The following KCNT2 variants were observed in gnomAD, a reference collection of about 807,000 sequenced individuals.
The protein encoded by KCNT2 is potassium channel subfamily T member 2.
KCNT2 carries 67 observed loss-of-function variants against 153.8 expected under a neutral mutation model. That is an observed-to-expected ratio of 0.44 (90% CI 0.36 to 0.53). KCNT2 has a LOEUF of 0.53. Among genes scored for constraint, KCNT2 ranks in the 20% least tolerant of loss-of-function variants. The probability of loss-of-function intolerance (pLI) is 0.00; values close to 1 mark genes in which losing one functional copy is unlikely to be tolerated. For synonymous variants in KCNT2, 500 were observed against 458.8 expected, an observed-to-expected ratio of 1.09 and a Z score of -1.15; for missense variants, 975 against 1,354.8, an observed-to-expected ratio of 0.72 and a Z score of 4.40.
intron 1 of KCNT2, among the ~76,000 whole-genome samples, chr1:196,607,027 C>T (rs767546145): frequency 1.5e-4 from 23 of 152,120 alleles, no homozygotes; most frequent in Admixed American, 9.2e-4. Flanking sequence ...ACAAAACATC[C>T]ATCTCCTTTC....
chr1:196,284,385 C>G (rs1045948594), intron 23 of KCNT2, among the ~76,000 whole-genome samples: 2 of 147,330 alleles, frequency 1.4e-5, no homozygotes, highest in African/African-American at 2.5e-5. Context: ...GAAAAAACTA[C>G]TGCTTTCCAT....
intron 1 of KCNT2, among the ~76,000 whole-genome samples, chr1:196,545,379 A>G (rs1656941656): frequency 6.6e-6 from 1 of 152,054 alleles, no homozygotes. Flanking sequence ...GTGTAGAGAA[A>G]AAGAGAAAGT....
At chr1:196,257,148 A>G (rs1410696929) in intron 26 of KCNT2, 2 of 714,098 alleles carry the variant, frequency 2.8e-6, no homozygotes, top group East Asian at 1.3e-4. Flanking sequence ...AAAATGAGAT[A>G]CCTATCAAAT....
At chr1:196,538,444 T>G (rs911279551) in intron 1 of KCNT2, among the ~76,000 whole-genome samples, 1 of 152,146 alleles carries the variant, frequency 6.6e-6, no homozygotes, top group Non-Finnish European at 1.5e-5. Context: ...ATAGACAGTT[T>G]TGACATAGCT....
chr1:196,425,004 T>G (rs1673530702), intron 11 of KCNT2, among the ~76,000 whole-genome samples: 1 of 151,202 alleles, frequency 6.6e-6, no homozygotes, highest in South Asian at 2.1e-4. Context: ...TTCAATTCAG[T>G]GGGAGACTTT....
intron 13 of KCNT2, among the ~76,000 whole-genome samples, chr1:196,386,753 A>G (rs1165574979): frequency 6.6e-6 from 1 of 152,058 alleles, no homozygotes; most frequent in Non-Finnish European, 1.5e-5. Flanking sequence ...CGTTCTCAAG[A>G]AGGATTTAGC....
intron 1 of KCNT2, among the ~76,000 whole-genome samples, chr1:196,545,015 A>G (rs1656894494): frequency 6.6e-6 from 1 of 152,166 alleles, no homozygotes; most frequent in Non-Finnish European, 1.5e-5. Context: ...GGGAAAAAAC[A>G]TTAATCCTCA....
intron 21 of KCNT2, among the ~76,000 whole-genome samples, chr1:196,313,637 C>T (rs1446427416): frequency 1.3e-5 from 2 of 151,508 alleles, no homozygotes; most frequent in East Asian, 3.9e-4. Flanking sequence ...ACTAGCCTAG[C>T]TTAGCATACA....
At chr1:196,428,018 A>G (rs1673803221) in intron 10 of KCNT2, 87 bp downstream of exon 10, 3 of 972,774 alleles carry the variant, frequency 3.1e-6, no homozygotes. Context: ...AATCCTCCAC[A>G]AAGCAGGCTG....
intron 1 of KCNT2, among the ~76,000 whole-genome samples, chr1:196,506,063 CA>C (rs758407897): frequency 2.0e-5 from 3 of 152,038 alleles, no homozygotes; most frequent in Non-Finnish European, 4.4e-5. Flanking sequence ...TTCCTAATTG[CA>C]AATGGGTTTT....
intron 8 of KCNT2, among the ~76,000 whole-genome samples, chr1:196,435,123 A>ATG (rs1315977011): frequency 0.047 from 3,239 of 69,158 alleles, 125 homozygotes; most frequent in Non-Finnish European, 0.071. Context: ...ATAGATACTT[A>ATG]TGTGTGTGTG....
At chr1:196,332,982 G>A (rs560584071) in intron 17 of KCNT2, among the ~76,000 whole-genome samples, 54 of 151,692 alleles carry the variant, frequency 3.6e-4, no homozygotes, top group Middle Eastern at 3.4e-3. Context: ...TTTGAGACCA[G>A]CCACACCACG....
chr1:196,322,063 T>TA (rs1486335189), intron 19 of KCNT2, among the ~76,000 whole-genome samples: 1 of 151,966 alleles, frequency 6.6e-6, no homozygotes, highest in Non-Finnish European at 1.5e-5. Context: ...AGATGTCCTT[T>TA]TCCTACATTA....
intron 8 of KCNT2, among the ~76,000 whole-genome samples, chr1:196,431,545 T>C (rs112210978): frequency 0.011 from 1,738 of 152,110 alleles, 23 homozygotes; most frequent in Non-Finnish European, 0.015. Context: ...GACTATCTAA[T>C]TGGAAACTGG....
At chr1:196,385,004 C>T (rs974708966) in intron 13 of KCNT2, among the ~76,000 whole-genome samples, 3 of 151,934 alleles carry the variant, frequency 2.0e-5, no homozygotes, top group Non-Finnish European at 2.9e-5. Context: ...CTTAATAACC[C>T]AAATAAACTA....
At chr1:196,479,051 C>T (rs376692977) in intron 5 of KCNT2, 128 bp downstream of exon 5, 59 of 637,118 alleles carry the variant, frequency 9.3e-5, no homozygotes, top group East Asian at 8.6e-4. Context: ...GCTACTGGAG[C>T]GGCTCAAAAC....
chr1:196,297,114 CTCTT>C (rs1301277029), intron 22 of KCNT2, among the ~76,000 whole-genome samples: 3 of 151,400 alleles, frequency 2.0e-5, no homozygotes, highest in African/African-American at 7.3e-5. Flanking sequence ...CAATCTCTCT[CTCTT>C]TCTCTCTCTT....
intron 22 of KCNT2, among the ~76,000 whole-genome samples, chr1:196,303,837 A>C (rs1392464255): frequency 1.3e-5 from 2 of 152,158 alleles, no homozygotes; most frequent in African/African-American, 2.4e-5. Flanking sequence ...CTCACTTCCC[A>C]TGAAGGAGGC....
intron 1 of KCNT2, among the ~76,000 whole-genome samples, chr1:196,506,309 C>G (rs1681133813): frequency 6.6e-6 from 1 of 152,070 alleles, no homozygotes; most frequent in Non-Finnish European, 1.5e-5. Flanking sequence ...GCAATGACAA[C>G]TCATAACTTT....
Sources: gnomAD v4.1 joint callset for allele counts (sites outside exome capture counted in the v4.1 genomes callset) on GRCh38, gnomAD v4.1.1 for gene constraint, MANE v1.5 for transcripts, NCBI Gene and HGNC (gene_info 2026-07-23, HGNC 2026-07-21) for gene names.